Variants in DLGAP3 observed in about 807,000 individuals in gnomAD.
The protein encoded by DLGAP3 is DLG associated protein 3.
A neutral mutation model predicts 81.2 loss-of-function variants in DLGAP3; 17 were observed. The observed-to-expected ratio is 0.21, with a 90% confidence interval of 0.14 to 0.31. The LOEUF is 0.31. DLGAP3 is among the 10% of genes least tolerant of loss of function. The pLI is 1.00. For synonymous variants in DLGAP3, 577 were observed against 587.4 expected (o/e 0.98, Z 0.26); for missense variants, 1,124 against 1,388.0 (o/e 0.81, Z 3.02).
At chr1:34,893,173 C>A (rs1171154405) in intron 5 of DLGAP3, among the ~76,000 whole-genome samples, 1 of 94,686 alleles carries the variant, frequency 1.1e-5, no homozygotes, top group African/African-American at 3.6e-5. Flanking sequence ...AGCGAGACTC[C>A]GTCTCAAAAA....
intron 1 of DLGAP3, among the ~76,000 whole-genome samples, chr1:34,921,520 A>G (rs1036702992): frequency 6.6e-6 from 1 of 151,956 alleles, no homozygotes; most frequent in Admixed American, 6.6e-5. Context: ...ATGTGTGTCT[A>G]CCCTCCTTAA....
chr1:34,928,073 C>T (rs1639900089), intron 1 of DLGAP3, among the ~76,000 whole-genome samples: 1 of 152,128 alleles, frequency 6.6e-6, no homozygotes, highest in Admixed American at 6.5e-5. Flanking sequence ...TGCCTGCTTC[C>T]CAAGGCTGTT....
At position 34,904,839 on chromosome 1, in the gene DLGAP3, G is replaced by A; in HGVS notation, c.545C>T (p.Ala182Val). Reference protein sequence around the residue: ...HLVHSVQKLFAKSHSLEAPGK... With the variant: ...HLVHSVQKLFVKSHSLEAPGK... The stretch of plus-strand genomic sequence containing the variant: ...CGGCGCCTCCAGAGAGTGGGACTTG[G>A]CAAAGAGCTTCTGCACAGAATGAAC... The change falls in exon 3 of 12, where the codon GCC becomes GTC. Residue 182 changes from alanine (A) to valine (V), a missense_variant. By Grantham distance (64) the Ala-to-Val change is moderately conservative (BLOSUM62 0). Transcript: ENST00000373347. This position sits in a 1 kb window ranked among gnomAD's most constrained non-coding sequence, Gnocchi z 8.1. 6.2e-7 allele frequency: 1 copy of A among 1,609,980 alleles called. No homozygotes were observed.
Position 34,886,943 on chromosome 1 carries a change from CTTTTTTTTTTTTTTT to C in DLGAP3, c.1387-673_1387-659del, listed in dbSNP as rs949966445. ...AGTGTCCCAAGCCTTCCCCCACCTT[CTTTTTTTTTTTTTTT>C]TTTTTTTTTTTTTTGAGACAGAGTC... On this transcript the variant is annotated intron_variant, in intron 5 of 11. Transcript: ENST00000373347. Among the ~76,000 whole-genome samples the C allele has an allele frequency of 1.3e-3, 81 of 64,314 alleles. 1 individual carries two copies. The highest frequency in any genetic ancestry group is 2.1e-3 in the Non-Finnish European group (69 of 33,468). 42.2% of individuals were successfully genotyped at this position (64,314 alleles called of 152,430 possible).
Position 34,905,173 on chromosome 1 carries a change from C to T in DLGAP3, c.211G>A (p.Val71Ile), listed in dbSNP as rs373641758. The T allele has an allele frequency of 9.5e-6, 15 of 1,576,240 alleles. No homozygotes were observed. In the African/African-American group the frequency reaches 2.0e-4, roughly 21 times the overall value. Residue 71 changes from valine to isoleucine, a missense_variant, in exon 3 of 12, where the codon GTA becomes ATA. Physicochemically the swap from Val to Ile is conservative, Grantham distance 29. This residue lies in a region of DLGAP3 where 167 missense variants were observed against 172.1 expected (regional missense o/e 0.97). Coordinates refer to ENST00000373347, the MANE Select transcript of DLGAP3 (RefSeq NM_001080418.3). ...CCCGCTGGCCCTCCCTCAGGGCCTACCGACGGCCCCTCACTCAGGCTCAGG... is the reference window on the plus strand; with the variant it reads ...CCCGCTGGCCCTCCCTCAGGGCCTATCGACGGCCCCTCACTCAGGCTCAGG... ...GPLSLSEGPS[V>I]GPEGGPAGAG...
At chr1:34,899,383 A>G (rs963836783) in intron 5 of DLGAP3, among the ~76,000 whole-genome samples, 3 of 152,112 alleles carry the variant, frequency 2.0e-5, no homozygotes, top group African/African-American at 2.4e-5. Flanking sequence ...TACCTTTTAC[A>G]TGGGGGCAAG....
intron 8 of DLGAP3, among the ~76,000 whole-genome samples, chr1:34,869,810 A>C (rs1333241377): frequency 1.3e-5 from 2 of 152,212 alleles, no homozygotes; most frequent in Non-Finnish European, 2.9e-5. Flanking sequence ...TTCTATGTCT[A>C]TGCTAGTTTA....
chr1:34,909,955 T>C (rs1298714883), intron 1 of DLGAP3, among the ~76,000 whole-genome samples: 1 of 152,220 alleles, frequency 6.6e-6, no homozygotes, highest in East Asian at 1.9e-4. Context: ...GCCACATGAT[T>C]CCATTTTGGC....
chr1:34,878,336 C>G (rs1456113730), intron 8 of DLGAP3, among the ~76,000 whole-genome samples: 1 of 151,726 alleles, frequency 6.6e-6, no homozygotes, highest in Non-Finnish European at 1.5e-5. Context: ...AAAAAATAAG[C>G]AACACATCTA....
chr1:34,889,730 G>A (rs12119571), intron 5 of DLGAP3, among the ~76,000 whole-genome samples: 33,274 of 152,192 alleles, frequency 0.22, 4,104 homozygotes, highest in Middle Eastern at 0.37. Flanking sequence ...AACATTGGAT[G>A]AAATATAACA....
In DLGAP3 at chr1:34,868,849, G is replaced by T; in HGVS notation, c.2241C>A (p.Tyr747Ter). 1.9e-6 allele frequency: 3 copies of T among 1,586,074 alleles called. No homozygotes were observed. The highest frequency in any genetic ancestry group is 2.3e-5 in the East Asian group (1 of 44,298). ...WAYREGYPLP[Y>*]EPPATDGSPG... ...GCGACCCATCGGTGGCCGGCGGCTC[G>T]TACGGCAGTGGGTAGCCCTCGCGGT... The change falls in exon 9 of 12, where the codon TAC (tyrosine) becomes TAA (stop). Residue 747 changes from tyrosine to a stop codon, truncating the protein, a stop_gained. Transcript: ENST00000373347. LOFTEE classifies it high-confidence loss of function. The surrounding 1 kb of genome is among the most constrained non-coding windows in gnomAD (Gnocchi z 7.5).
intron 1 of DLGAP3, among the ~76,000 whole-genome samples, chr1:34,914,709 G>T (rs1330544804): frequency 6.6e-6 from 1 of 152,218 alleles, no homozygotes; most frequent in African/African-American, 2.4e-5. Flanking sequence ...ACAGTGCTAA[G>T]GGTTAGCTAT....
chr1:34,906,886 G>C (rs1265155368), intron 2 of DLGAP3, among the ~76,000 whole-genome samples: 1 of 152,186 alleles, frequency 6.6e-6, no homozygotes, highest in Non-Finnish European at 1.5e-5. Context: ...GGAGCTGCCA[G>C]GATAGGAGCT....
chr1:34,871,724 G>A (rs1462466739), intron 8 of DLGAP3, among the ~76,000 whole-genome samples: 4 of 152,100 alleles, frequency 2.6e-5, no homozygotes, highest in Admixed American at 6.5e-5. Context: ...TGTGTCCTTC[G>A]GCACTGCCAT....
chr1:34,875,431 T>C lies in DLGAP3; in HGVS notation c.2001-6342A>G, dbSNP rs1031593267. Among the ~76,000 whole-genome samples the C allele has an allele frequency of 6.6e-5, 10 of 152,356 alleles. No individual in the cohort carries two copies. The South Asian group carries it at 1.4e-3, about 22-fold the overall frequency. On this transcript the variant is annotated intron_variant, in intron 8 of 11. Coordinates refer to ENST00000373347, the MANE Select transcript of DLGAP3 (RefSeq NM_001080418.3). ...AAATATTGCATGTGACATACTAAAATGCATTCATTATTTATCTGATCATCA... is the reference window on the plus strand; with the variant it reads ...AAATATTGCATGTGACATACTAAAACGCATTCATTATTTATCTGATCATCA...
In DLGAP3 at chr1:34,867,417, G is replaced by A; in HGVS notation, c.2577+119C>T. Reference sequence around the variant, plus strand: ...GACTCACAGCTACCCCAGAAGGCATGCAGGCCTGGTCTCACCTCTGGTACA... The same window carrying A: ...GACTCACAGCTACCCCAGAAGGCATACAGGCCTGGTCTCACCTCTGGTACA... On this transcript the variant is annotated intron_variant, in intron 10 of 11. Transcript: ENST00000373347. This position sits in a 1 kb window ranked among gnomAD's most constrained non-coding sequence, Gnocchi z 4.3. The A allele has an allele frequency of 9.3e-7, 1 of 1,076,528 alleles. No homozygotes were observed. The highest frequency in any genetic ancestry group is 1.7e-5 in the Admixed American group (1 of 59,374). 66.7% of individuals were successfully genotyped at this position (1,076,528 alleles called of 1,614,324 possible).
chr1:34,870,505 C>CCCTG (rs71571787), intron 8 of DLGAP3, among the ~76,000 whole-genome samples: 11,337 of 152,160 alleles, frequency 0.075, 450 homozygotes, highest in East Asian at 0.12. Context: ...GGCCTTCTCT[C>CCCTG]CCTGCCTGCC....
At chr1:34,870,881 C>G (rs1440571438) in intron 8 of DLGAP3, among the ~76,000 whole-genome samples, 1 of 152,190 alleles carries the variant, frequency 6.6e-6, no homozygotes, top group East Asian at 1.9e-4. Flanking sequence ...CACTGTGTGC[C>G]TTTGTCACTC....
At position 34,868,005 on chromosome 1, in the gene DLGAP3, T is replaced by G. The variant is rs887347833; in HGVS notation, c.2486-378A>C. ...GCTTTGTTCATCACTCCCCAGTGCA[T>G]GCAAGACTCCTTGGCTCTTTAAGAA... On this transcript the variant is annotated intron_variant, in intron 9 of 11. Transcript: ENST00000373347. The surrounding 1 kb of genome is among the most constrained non-coding windows in gnomAD (Gnocchi z 7.5). Among the ~76,000 whole-genome samples the G allele has an allele frequency of 5.3e-5, 8 of 152,250 alleles. No individual in the cohort carries two copies. Among genetic ancestry groups the G allele is most frequent in the African/African-American group, 1.9e-4 (8 of 41,466 alleles).
Sources: allele counts gnomAD v4.1 joint callset (sites outside exome capture counted in the v4.1 genomes callset), GRCh38; gene constraint gnomAD v4.1.1; regional missense constraint gnomAD v4.1.1; non-coding constraint Gnocchi (gnomAD v3.1); transcripts MANE v1.5; gene names NCBI Gene and HGNC (gene_info 2026-07-23, HGNC 2026-07-21).